Variants in MCCC2 observed in about 807,000 individuals in gnomAD.
The protein encoded by MCCC2 is methylcrotonoyl-CoA carboxylase beta chain, mitochondrial.
In MCCC2, 52 loss-of-function variants were observed where a neutral mutation model predicts 77.2. That is an observed-to-expected ratio of 0.67 (90% CI 0.54 to 0.85). The LOEUF is 0.85. Ranked by LOEUF, MCCC2 falls within the 40% of genes least tolerant of loss-of-function variation. The probability of loss-of-function intolerance (pLI) is 0.00; values close to 1 mark genes in which losing one functional copy is unlikely to be tolerated. For missense variants in MCCC2, 682 were observed against 703.2 expected, an observed-to-expected ratio of 0.97 and a Z score of 0.34; for synonymous variants, 253 against 248.4, an observed-to-expected ratio of 1.02 and a Z score of -0.18.
intron 7 of MCCC2, among the ~76,000 whole-genome samples, chr5:71,631,211 C>G (rs1746697765): frequency 6.6e-6 from 1 of 152,178 alleles, no homozygotes; most frequent in Admixed American, 6.6e-5. Context: ...GAATTCACAG[C>G]ATAGAGGAGA....
intron 6 of MCCC2, among the ~76,000 whole-genome samples, chr5:71,607,327 T>A (rs972991793): frequency 2.6e-5 from 4 of 152,154 alleles, no homozygotes; most frequent in Non-Finnish European, 5.9e-5. Context: ...GTCGAGGAAT[T>A]TATCCATTTC....
At chr5:71,641,401 T>A in intron 11 of MCCC2, 1 of 331,390 alleles carries the variant, frequency 3.0e-6, no homozygotes, top group Non-Finnish European at 5.7e-6. Flanking sequence ...TGGATAACAA[T>A]AATTATTTTG....
intron 7 of MCCC2, among the ~76,000 whole-genome samples, chr5:71,627,492 A>G (rs1746571861): frequency 6.6e-6 from 1 of 152,148 alleles, no homozygotes; most frequent in African/African-American, 2.4e-5. Context: ...GTTGATGGGC[A>G]TTTAGGTTGC....
At chr5:71,636,593 C>G (rs1236774263) in intron 10 of MCCC2, 2 of 151,710 alleles carry the variant, frequency 1.3e-5, no homozygotes, top group African/African-American at 4.8e-5. Context: ...CCCAGCTACT[C>G]GGGAGGCCGA....
Position 71,596,079 on chromosome 5 carries a change from A to AT in MCCC2, c.197-192dup, listed in dbSNP as rs6149065. Among the ~76,000 whole-genome samples the AT allele has an allele frequency of 0.3, 45,518 of 151,564 alleles. 7,892 individuals carry two copies. The highest frequency in any genetic ancestry group is 0.5 in the East Asian group (2,586 of 5,154). ...ATACTCTAAAATCAGGGATAGATTG[A>AT]TTTTTTTTTAATACCAGTTTTTACA... is the stretch of plus-strand genomic sequence containing the variant. On this transcript the variant is annotated intron_variant, in intron 2 of 16. Coordinates refer to ENST00000340941, the MANE Select transcript of MCCC2 (RefSeq NM_022132.5).
chr5:71,592,312 C>T (rs967673470), intron 1 of MCCC2, among the ~76,000 whole-genome samples: 10 of 151,972 alleles, frequency 6.6e-5, no homozygotes, highest in African/African-American at 1.2e-4. Context: ...TCTCGGGAGG[C>T]GGAGGTTGCA....
chr5:71,644,430 C>G (rs1329997199), intron 12 of MCCC2, among the ~76,000 whole-genome samples: 1 of 151,496 alleles, frequency 6.6e-6, no homozygotes, highest in Non-Finnish European at 1.5e-5. Flanking sequence ...GTTACTGGAC[C>G]CGTGACTTTA....
intron 6 of MCCC2, among the ~76,000 whole-genome samples, chr5:71,607,669 A>T (rs1213960561): frequency 1.1e-3 from 155 of 146,790 alleles, no homozygotes; most frequent in African/African-American, 3.8e-3. Flanking sequence ...TTGTGATGTT[A>T]GGGTGTCAAT....
chr5:71,631,978 G>T, intron 7 of MCCC2, 143 bp from the exon 8 acceptor site: 1 of 774,444 alleles, frequency 1.3e-6, no homozygotes, highest in Non-Finnish European at 2.3e-6. Context: ...TTTCCTAGGT[G>T]CATGAATGAG....
intron 6 of MCCC2, among the ~76,000 whole-genome samples, chr5:71,615,510 T>C (rs1746131105): frequency 6.6e-6 from 1 of 152,204 alleles, no homozygotes; most frequent in Non-Finnish European, 1.5e-5. Flanking sequence ...CCCTGATCTT[T>C]ATCTAGTCTT....
chr5:71,627,086 TATA>T (rs1405666995), intron 7 of MCCC2, among the ~76,000 whole-genome samples: 2 of 152,236 alleles, frequency 1.3e-5, no homozygotes, highest in Admixed American at 6.5e-5. Flanking sequence ...AGTGGAATCA[TATA>T]ATATCTGTCC....
At position 71,602,507 on chromosome 5, in the gene MCCC2, G is replaced by C. The variant is rs1214498152; in HGVS notation, c.385G>C (p.Val129Leu). The change falls in exon 5 of 17, where the codon GTA becomes CTA. Residue 129 changes from valine (V) to leucine (L), a missense_variant and splice_region_variant. By Grantham distance (32) the Val-to-Leu change is conservative (BLOSUM62 1). Transcript: ENST00000340941. Reference protein sequence around the residue: ...IITGIGRVSGVECMIIANDAT... With the variant: ...IITGIGRVSGLECMIIANDAT... ...TCCAATGAAATTTCTGCCTTTCAGA[G>C]TAGAATGCATGATTATTGCCAATGA... is the stretch of plus-strand genomic sequence containing the variant. The C allele has an allele frequency of 2.5e-6, 4 of 1,614,160 alleles. No homozygotes were observed. Among genetic ancestry groups the C allele is most frequent in the Non-Finnish European group, 3.4e-6 (4 of 1,180,030 alleles).
chr5:71,591,240 A>C (rs1362813051), intron 1 of MCCC2, among the ~76,000 whole-genome samples: 3 of 152,224 alleles, frequency 2.0e-5, no homozygotes, highest in African/African-American at 7.2e-5. Flanking sequence ...AAAATGTATT[A>C]GTGGGCCAAG....
At chr5:71,610,457 G>A (rs370730537) in intron 6 of MCCC2, among the ~76,000 whole-genome samples, 38 of 152,184 alleles carry the variant, frequency 2.5e-4, no homozygotes, top group South Asian at 4.1e-4. Flanking sequence ...ACTGACCTGC[G>A]CCCACTGTCT....
chr5:71,591,095 G>A (rs1209694884), intron 1 of MCCC2, among the ~76,000 whole-genome samples: 5 of 152,272 alleles, frequency 3.3e-5, no homozygotes, highest in African/African-American at 1.2e-4. Context: ...AGCTCTTGGA[G>A]CTGTAGAAAA....
In MCCC2 at chr5:71,657,936, G is replaced by A. The variant is rs1747628420; in HGVS notation, c.*1076G>A. ...ACTGGTTGTTGTGGAGGAACCTCTG[G>A]CTTGCTCATTAAGTCCTACTGATTT... On this transcript the variant is annotated 3_prime_UTR_variant, in exon 17 of 17. Coordinates refer to ENST00000340941, the MANE Select transcript of MCCC2 (RefSeq NM_022132.5). 1 of 152,032 alleles carries A rather than the reference G, an allele frequency of 6.6e-6. No homozygotes were observed. Among genetic ancestry groups the A allele is most frequent in the Non-Finnish European group, 1.5e-5 (1 of 68,030 alleles). The allele number at this position is 152,032 out of a possible 1,614,324, so 9.4% of individuals were successfully genotyped here.
At chr5:71,614,761 G>C (rs1289459975) in intron 6 of MCCC2, among the ~76,000 whole-genome samples, 2 of 151,930 alleles carry the variant, frequency 1.3e-5, no homozygotes, top group African/African-American at 4.8e-5. Context: ...TGGGATTACA[G>C]GTATGAGCCA....
intron 16 of MCCC2, among the ~76,000 whole-genome samples, chr5:71,653,980 G>A (rs1464015034): frequency 6.6e-6 from 1 of 151,956 alleles, no homozygotes; most frequent in Non-Finnish European, 1.5e-5. Context: ...AATACCATTT[G>A]GGTGTGTGTA....
chr5:71,652,655 C>T lies in MCCC2; in HGVS notation c.1489-14C>T. On this transcript the variant is annotated splice_polypyrimidine_tract_variant and intron_variant, in intron 15 of 16. Transcript: ENST00000340941. ...TCACTGAAGCTGACTTACTCATGGC[C>T]TCTTTTCCTTTAGTTCTCCAGTGCT... The T allele has an allele frequency of 6.2e-7, 1 of 1,613,070 alleles. No individual in the cohort carries two copies. The highest frequency in any genetic ancestry group is 8.5e-7 in the Non-Finnish European group (1 of 1,179,092).
Sources: gnomAD v4.1 joint callset for allele counts (sites outside exome capture counted in the v4.1 genomes callset) on GRCh38, gnomAD v4.1.1 for gene constraint, MANE v1.5 for transcripts, NCBI Gene and HGNC (gene_info 2026-07-23, HGNC 2026-07-21) for gene names.